Variants in UBR2 observed in about 807,000 individuals in gnomAD.
The protein encoded by UBR2 is E3 ubiquitin-protein ligase UBR2.
Under a neutral mutation model 247.9 loss-of-function variants are expected in UBR2, and 92 were observed. That is an observed-to-expected ratio of 0.37 (90% CI 0.31 to 0.44). UBR2 has a LOEUF of 0.44. Among genes scored for constraint, UBR2 ranks in the 20% least tolerant of loss-of-function variants. UBR2 has a pLI of 1.00. For missense variants in UBR2, 1,613 were observed against 2,112.6 expected (o/e 0.76, Z 4.64); for synonymous variants, 672 against 693.5 (o/e 0.97, Z 0.49).
intron 25 of UBR2, 98 bp from the exon 26 acceptor site, chr6:42,655,523 G>T: frequency 1.5e-6 from 1 of 660,798 alleles, no homozygotes; most frequent in South Asian, 2.3e-5. Flanking sequence ...TTCATAGTTT[G>T]ATTTATCTTT....
At chr6:42,637,346 G>A (rs894273449) in intron 15 of UBR2, 152 bp downstream of exon 15, 2 of 909,622 alleles carry the variant, frequency 2.2e-6, no homozygotes, top group Non-Finnish European at 3.2e-6. Flanking sequence ...TGTGAAGTAG[G>A]TATTATTATT....
rs1554251969 is a variant in UBR2, at chr6:42,619,453, A to ATTTTTT, written c.1281+1953_1281+1958dup. 4.3e-3 allele frequency: 102 copies of ATTTTTT among 23,824 alleles called. 6 individuals carry two copies. Among genetic ancestry groups the ATTTTTT allele is most frequent in the East Asian group, 9.9e-3 (6 of 608 alleles). 1.5% of individuals were successfully genotyped at this position (23,824 alleles called of 1,614,324 possible). On this transcript the variant is annotated intron_variant, in intron 11 of 46. Coordinates refer to ENST00000372901, the MANE Select transcript of UBR2 (RefSeq NM_001363705.2). ...TATATATATATATATATATATATAT[A>ATTTTTT]TTTTTTTTTTTTAGTTCTCTATCTC... is the stretch of plus-strand genomic sequence containing the variant.
chr6:42,666,392 A>G, intron 34 of UBR2, 147 bp downstream of exon 34: 1 of 615,760 alleles, frequency 1.6e-6, no homozygotes, highest in South Asian at 2.6e-5. Flanking sequence ...GCAGAGGCTG[A>G]GACAGGAGGA....
intron 1 of UBR2, among the ~76,000 whole-genome samples, chr6:42,566,343 A>T (rs1326577045): frequency 6.6e-6 from 1 of 152,140 alleles, no homozygotes; most frequent in East Asian, 1.9e-4. Flanking sequence ...ACTTCATTTG[A>T]GTTTGTGAAG....
At chr6:42,647,892 T>TAA (rs1796873754) in intron 21 of UBR2, among the ~76,000 whole-genome samples, 1 of 152,232 alleles carries the variant, frequency 6.6e-6, no homozygotes, top group Non-Finnish European at 1.5e-5. Context: ...TTATCTATTT[T>TAA]ATGTATTTAA....
intron 14 of UBR2, among the ~76,000 whole-genome samples, chr6:42,635,767 C>T (rs2151953556): frequency 6.6e-6 from 1 of 152,330 alleles, no homozygotes; most frequent in Middle Eastern, 3.4e-3. Context: ...CAGATTGTCT[C>T]TTCCCTAATG....
intron 22 of UBR2, among the ~76,000 whole-genome samples, chr6:42,648,498 A>T (rs1409319682): frequency 6.6e-6 from 1 of 152,180 alleles, no homozygotes; most frequent in Non-Finnish European, 1.5e-5. Context: ...TTTTGTTTCC[A>T]TTTGAATGTG....
At chr6:42,604,312 C>A (rs1359059313) in intron 5 of UBR2, among the ~76,000 whole-genome samples, 20 of 152,138 alleles carry the variant, frequency 1.3e-4, no homozygotes, top group Admixed American at 1.3e-3. Flanking sequence ...AACCTTCTTT[C>A]TTACTTAGAA....
intron 11 of UBR2, among the ~76,000 whole-genome samples, chr6:42,623,633 G>A (rs1309005886): frequency 6.6e-6 from 1 of 152,080 alleles, no homozygotes; most frequent in African/African-American, 2.4e-5. Context: ...TATATTTTTA[G>A]TAGAGACGGG....
intron 2 of UBR2, among the ~76,000 whole-genome samples, chr6:42,574,988 G>A (rs1474151841): frequency 6.6e-6 from 1 of 152,166 alleles, no homozygotes; most frequent in Non-Finnish European, 1.5e-5. Context: ...ATGAGCCACT[G>A]TACCCGGCCT....
chr6:42,573,930 C>G lies in UBR2; in HGVS notation c.275C>G (p.Ala92Gly). 6.2e-7 allele frequency: 1 copy of G among 1,613,480 alleles called. No individual in the cohort carries two copies. The highest frequency in any genetic ancestry group is 8.5e-7 in the Non-Finnish European group (1 of 1,179,800). Residue 92 changes from alanine (A) to glycine (G), a missense_variant, in exon 2 of 47, where the codon GCA (alanine) becomes GGA (glycine). Physicochemically the swap from Ala to Gly is moderately conservative, Grantham distance 60. Coordinates refer to ENST00000372901, the MANE Select transcript of UBR2 (RefSeq NM_001363705.2). ...PAFGFPKLEQ[A>G]NKPSHLCGRV... ...TTTGGATTTCCAAAACTTGAGCAAGCAAACAAACCTTCTCATCTTTGTGGT... is the reference window on the plus strand; with the variant it reads ...TTTGGATTTCCAAAACTTGAGCAAGGAAACAAACCTTCTCATCTTTGTGGT...
intron 1 of UBR2, among the ~76,000 whole-genome samples, chr6:42,570,614 G>A (rs1196522664): frequency 6.6e-6 from 1 of 152,036 alleles, no homozygotes; most frequent in Non-Finnish European, 1.5e-5. Flanking sequence ...ATAATAATAT[G>A]TAATAAAGAG....
chr6:42,567,151 A>G (rs184835341), intron 1 of UBR2, among the ~76,000 whole-genome samples: 3 of 152,326 alleles, frequency 2.0e-5, no homozygotes, highest in East Asian at 3.9e-4. Flanking sequence ...ACTAGTGTCA[A>G]CCTTTCCACA....
chr6:42,583,631 C>G (rs1220330706), intron 2 of UBR2, among the ~76,000 whole-genome samples: 2 of 152,050 alleles, frequency 1.3e-5, no homozygotes, highest in East Asian at 3.9e-4. Flanking sequence ...AAGCCATTCT[C>G]CTGCCTCAGT....
chr6:42,673,712 G>T, intron 36 of UBR2, 79 bp from the exon 37 acceptor site: 3 of 970,246 alleles, frequency 3.1e-6, no homozygotes, highest in Non-Finnish European at 3.3e-6. Flanking sequence ...TGTGCATCCA[G>T]CTGTGCTCTG....
At chr6:42,600,044 T>C (rs1793259032) in intron 4 of UBR2, among the ~76,000 whole-genome samples, 1 of 152,234 alleles carries the variant, frequency 6.6e-6, no homozygotes, top group Non-Finnish European at 1.5e-5. Context: ...TTTTGATGAC[T>C]GCAGCCTCTA....
intron 4 of UBR2, among the ~76,000 whole-genome samples, chr6:42,602,950 A>C (rs1793481002): frequency 6.6e-6 from 1 of 152,160 alleles, no homozygotes; most frequent in Non-Finnish European, 1.5e-5. Context: ...GCCTTGACTG[A>C]AAATTACCTT....
chr6:42,636,058 G>A (rs1398545034), intron 14 of UBR2, among the ~76,000 whole-genome samples: 1 of 152,142 alleles, frequency 6.6e-6, no homozygotes, highest in Non-Finnish European at 1.5e-5. Context: ...AGTCTGTGAT[G>A]ACAGGGACTA....
intron 2 of UBR2, among the ~76,000 whole-genome samples, chr6:42,585,934 T>G (rs1432257280): frequency 2.6e-5 from 4 of 152,216 alleles, no homozygotes; most frequent in Admixed American, 1.3e-4. Context: ...TATGGTCTTA[T>G]ATTTTTTGAC....
Sources: gnomAD v4.1 joint callset for allele counts (sites outside exome capture counted in the v4.1 genomes callset) on GRCh38, gnomAD v4.1.1 for gene constraint, MANE v1.5 for transcripts, NCBI Gene and HGNC (gene_info 2026-07-23, HGNC 2026-07-21) for gene names.